ANKS1B: variants seen among roughly 807,000 people sequenced by gnomAD.
ANKS1B encodes the protein ankyrin repeat and sterile alpha motif domain containing 1B, also known as ankyrin repeat and sterile alpha motif domain-containing protein 1B.
In ANKS1B, 36 loss-of-function variants were observed where a neutral mutation model predicts 148.3. The ratio of observed to expected loss-of-function variants is 0.24; its 90% CI spans 0.19 to 0.32. The LOEUF (loss-of-function observed/expected upper bound fraction) is 0.32, where lower values mean the gene tolerates loss of function less well. Among genes scored for constraint, ANKS1B ranks in the 10% least tolerant of loss-of-function variants. The probability of loss-of-function intolerance (pLI) is 1.00; values close to 1 mark genes in which losing one functional copy is unlikely to be tolerated. For missense variants in ANKS1B, 1,157 were observed against 1,542.6 expected (o/e 0.75, Z 4.19); for synonymous variants, 542 against 560.8 (o/e 0.97, Z 0.47).
chr12:99,540,454 T>C (rs561349047), intron 9 of ANKS1B, among the ~76,000 whole-genome samples: 88 of 152,272 alleles, frequency 5.8e-4, no homozygotes, highest in Non-Finnish European at 9.3e-4. Context: ...AAATGTTTTA[T>C]GTCATACAAG....
At chr12:99,011,395 G>A (rs991575780) in intron 17 of ANKS1B, among the ~76,000 whole-genome samples, 5 of 152,148 alleles carry the variant, frequency 3.3e-5, no homozygotes, top group Admixed American at 1.3e-4. Context: ...TAAAATAACC[G>A]CAGAATAGCT....
At chr12:99,322,811 C>A (rs760271643) in intron 12 of ANKS1B, among the ~76,000 whole-genome samples, 1 of 152,206 alleles carries the variant, frequency 6.6e-6, no homozygotes, top group South Asian at 2.1e-4. Flanking sequence ...TGGAAGATAA[C>A]TGAATCATGG....
intron 1 of ANKS1B, among the ~76,000 whole-genome samples, chr12:99,925,057 T>C (rs1473950734): frequency 1.3e-5 from 2 of 152,136 alleles, no homozygotes; most frequent in Admixed American, 6.5e-5. Flanking sequence ...ATAAATGCCA[T>C]TGAAGGTCAT....
chr12:98,927,881 A>G (rs937648444), intron 17 of ANKS1B, among the ~76,000 whole-genome samples: 1 of 151,756 alleles, frequency 6.6e-6, no homozygotes, highest in Non-Finnish European at 1.5e-5. Flanking sequence ...CACTGGAAAA[A>G]GAAGAGCAAA....
At chr12:98,879,881 T>C (rs150849054) in intron 17 of ANKS1B, among the ~76,000 whole-genome samples, 241 of 152,298 alleles carry the variant, frequency 1.6e-3, no homozygotes, top group African/African-American at 5.5e-3. Flanking sequence ...AGAAATGACA[T>C]TTGCTTTTGA....
Position 99,656,333 on chromosome 12 carries a change from G to A in ANKS1B, c.1129-1123C>T, listed in dbSNP as rs558934431. 1.6e-4 allele frequency among the ~76,000 whole-genome samples: 25 copies of A among 152,144 alleles called. No homozygotes were observed. In the South Asian group the frequency reaches 5.0e-3, roughly 30 times the overall value. On this transcript the variant is annotated intron_variant, in intron 8 of 26. Coordinates refer to ENST00000683438, the MANE Select transcript of ANKS1B (RefSeq NM_001352186.2). ...AAGGTCTATAAATAAGCAGGAAAAT[G>A]GTGGGATCTATGTATCAATCTCTAC...
intron 14 of ANKS1B, among the ~76,000 whole-genome samples, chr12:99,180,693 A>G (rs556375877): frequency 7.9e-5 from 12 of 151,776 alleles, no homozygotes; most frequent in African/African-American, 2.2e-4. Flanking sequence ...TACTTGACCA[A>G]AATTGAAAGC....
chr12:99,658,572 C>T (rs534857901), intron 8 of ANKS1B, among the ~76,000 whole-genome samples: 4 of 151,976 alleles, frequency 2.6e-5, no homozygotes, highest in Non-Finnish European at 5.9e-5. Flanking sequence ...GCTATAGTGG[C>T]AAAGAGCATT....
chr12:99,225,747 GCTCTTGGGC>G (rs2085829105), intron 14 of ANKS1B, among the ~76,000 whole-genome samples: 1 of 152,212 alleles, frequency 6.6e-6, no homozygotes, highest in East Asian at 1.9e-4. Flanking sequence ...TTTGCTAGGG[GCTCTTGGGC>G]CTTCGGCCAC....
At chr12:98,788,370 G>C (rs2098817026) in intron 22 of ANKS1B, among the ~76,000 whole-genome samples, 2 of 152,126 alleles carry the variant, frequency 1.3e-5, no homozygotes, top group Non-Finnish European at 2.9e-5. Context: ...AAGAAGAAAA[G>C]CCTTCTTGAC....
downstream of ANKS1B, among the ~76,000 whole-genome samples, chr12:98,739,284 G>A (rs2097787151): frequency 6.6e-6 from 1 of 152,190 alleles, no homozygotes; most frequent in South Asian, 2.1e-4. Flanking sequence ...CTAAGCTCTC[G>A]GAGAAGGCAT....
intron 12 of ANKS1B, among the ~76,000 whole-genome samples, chr12:99,262,764 T>A (rs4115454): frequency 0.31 from 46,791 of 151,624 alleles, 8,528 homozygotes; most frequent in African/African-American, 0.51. Context: ...ACATGTTTAT[T>A]TGTATCATAT....
rs60354355 is a variant in ANKS1B at position 99,870,685 on chromosome 12, T to A, written c.135-45296A>T. ...CTCTGATGATTAGTTATTTGAGCAT[T>A]TTTTCATATACTTGTTGGTCACTTG... On this transcript the variant is annotated intron_variant, in intron 1 of 26. Transcript: ENST00000683438. Among the ~76,000 whole-genome samples, 259 of 152,330 alleles carry A rather than the reference T, an allele frequency of 1.7e-3. 8 individuals are homozygous for A. In the East Asian group the frequency reaches 0.041, roughly 24 times the overall value.
intron 8 of ANKS1B, among the ~76,000 whole-genome samples, chr12:99,656,812 T>C (rs1200423571): frequency 6.6e-6 from 1 of 152,172 alleles, no homozygotes; most frequent in African/African-American, 2.4e-5. Flanking sequence ...CTAAAGGTCC[T>C]CTGAATGTAG....
At chr12:99,353,190 T>C (rs987831423) in intron 12 of ANKS1B, among the ~76,000 whole-genome samples, 1 of 152,058 alleles carries the variant, frequency 6.6e-6, no homozygotes, top group Non-Finnish European at 1.5e-5. Context: ...GAATAAGATA[T>C]ACATGGGTGA....
intron 14 of ANKS1B, among the ~76,000 whole-genome samples, chr12:99,235,410 G>A (rs2220689): frequency 2.0e-5 from 3 of 151,878 alleles, no homozygotes; most frequent in East Asian, 1.9e-4. Flanking sequence ...ACTATCACAC[G>A]GGGCAGCCAC....
At chr12:99,184,391 G>C (rs950020403) in intron 14 of ANKS1B, among the ~76,000 whole-genome samples, 1 of 152,132 alleles carries the variant, frequency 6.6e-6, no homozygotes, top group African/African-American at 2.4e-5. Flanking sequence ...GTACAGTTTA[G>C]CTCCATTTGG....
chr12:99,613,356 T>C (rs1025832352), intron 9 of ANKS1B, among the ~76,000 whole-genome samples: 2 of 152,128 alleles, frequency 1.3e-5, no homozygotes, highest in Admixed American at 6.6e-5. Context: ...TTGCTGGGTA[T>C]ATATCCAAAG....
At chr12:99,615,896 A>G (rs530026153) in intron 9 of ANKS1B, among the ~76,000 whole-genome samples, 1 of 152,304 alleles carries the variant, frequency 6.6e-6, no homozygotes, top group East Asian at 1.9e-4. Context: ...AGAAAACCCT[A>G]TCATCTCAGC....
Sources: gnomAD v4.1 joint callset for allele counts (sites outside exome capture counted in the v4.1 genomes callset) on GRCh38, gnomAD v4.1.1 for gene constraint, MANE v1.5 for transcripts, NCBI Gene and HGNC (gene_info 2026-07-23, HGNC 2026-07-21) for gene names.